The following MYOCD variants were observed in gnomAD, a reference collection of about 807,000 sequenced individuals.
MYOCD encodes the protein myocardin.
Under a neutral mutation model 96.1 loss-of-function variants are expected in MYOCD, and 32 were observed. That is an observed-to-expected ratio of 0.33 (90% CI 0.25 to 0.45). The LOEUF (loss-of-function observed/expected upper bound fraction) is 0.45, where lower values mean the gene tolerates loss of function less well. Among genes scored for constraint, MYOCD ranks in the 20% least tolerant of loss-of-function variants. The pLI, the probability that MYOCD is intolerant of heterozygous loss-of-function variation, is 1.00. For synonymous variants in MYOCD, 469 were observed against 469.0 expected (o/e 1.00, Z 0.00); for missense variants, 1,133 against 1,200.6 (o/e 0.94, Z 0.83).
chr17:12,714,323 G>GCGCACACACA (rs5819379), intron 2 of MYOCD, among the ~76,000 whole-genome samples: 2 of 136,052 alleles, frequency 1.5e-5, no homozygotes, highest in Non-Finnish European at 3.1e-5. Flanking sequence ...TGAGGCACGT[G>GCGCACACACA]CACACACACA....
chr17:12,700,167 C>T (rs2030994489), intron 1 of MYOCD, among the ~76,000 whole-genome samples: 3 of 151,830 alleles, frequency 2.0e-5, no homozygotes, highest in Admixed American at 1.3e-4. Flanking sequence ...CCTTGGCCTC[C>T]CAAAATGCTG....
At chr17:12,739,643 G>T (rs1255588734) in intron 7 of MYOCD, among the ~76,000 whole-genome samples, 1 of 152,212 alleles carries the variant, frequency 6.6e-6, no homozygotes, top group East Asian at 1.9e-4. Context: ...CTGATTGTAA[G>T]GCAGGATTTG....
chr17:12,732,459 C>T (rs1009877638), intron 5 of MYOCD, among the ~76,000 whole-genome samples: 6 of 152,206 alleles, frequency 3.9e-5, no homozygotes, highest in Admixed American at 2.0e-4. Context: ...TGGACAACTT[C>T]GCATCGCTGT....
chr17:12,747,839 G>A (rs2032711602), intron 9 of MYOCD, among the ~76,000 whole-genome samples: 1 of 151,172 alleles, frequency 6.6e-6, no homozygotes, highest in Non-Finnish European at 1.5e-5. Context: ...ATATATCACA[G>A]TATGTGGATA....
At chr17:12,708,714 G>A (rs1263626514) in intron 2 of MYOCD, among the ~76,000 whole-genome samples, 3 of 152,148 alleles carry the variant, frequency 2.0e-5, no homozygotes, top group Admixed American at 6.5e-5. Flanking sequence ...TTAACTGGTC[G>A]ACAGAAGCAC....
At chr17:12,690,262 A>G (rs1415743420) in intron 1 of MYOCD, among the ~76,000 whole-genome samples, 5 of 152,126 alleles carry the variant, frequency 3.3e-5, no homozygotes, top group Non-Finnish European at 7.4e-5. Flanking sequence ...ATCTAAGAAA[A>G]CATGTTTGAC....
chr17:12,699,021 C>A (rs9674555), intron 1 of MYOCD, among the ~76,000 whole-genome samples: 45,302 of 151,198 alleles, frequency 0.3, 8,593 homozygotes, highest in African/African-American at 0.54. Context: ...GGATTACAGG[C>A]GTGAGCCACC....
intron 6 of MYOCD, among the ~76,000 whole-genome samples, chr17:12,736,645 A>G (rs2032354410): frequency 6.6e-6 from 1 of 152,206 alleles, no homozygotes; most frequent in Non-Finnish European, 1.5e-5. Flanking sequence ...GCTAAGACTC[A>G]GTGAGATTGG....
intron 13 of MYOCD, chr17:12,762,058 A>G (rs1341935004): frequency 2.0e-5 from 3 of 152,276 alleles, no homozygotes; most frequent in Non-Finnish European, 4.4e-5. Flanking sequence ...CTGGAGAAAC[A>G]CAGCTGGGTT....
In MYOCD at chr17:12,753,127, T is replaced by C. The variant is rs759277038; in HGVS notation, c.1839T>C (p.His613=). 9 of 1,614,076 alleles carry C rather than the reference T, an allele frequency of 5.6e-6. No homozygotes were observed. The highest frequency in any genetic ancestry group is 7.6e-6 in the Non-Finnish European group (9 of 1,180,040). ...AACTCCAGCCTCTTGGAAATGCTCATTGTGTGGAGTCCTCAGATCAAACCA... is the reference window on the plus strand; with the variant it reads ...AACTCCAGCCTCTTGGAAATGCTCACTGTGTGGAGTCCTCAGATCAAACCA... The part of the protein sequence containing the change: ...AAQLQPLGNA[H]CVESSDQTNV... Residue 613 remains histidine, a synonymous_variant, in exon 10 of 14, where the codon CAT becomes CAC. Coordinates refer to ENST00000425538, the MANE Select transcript of MYOCD (RefSeq NM_001146312.3).
At chr17:12,702,131 G>A (rs2031101059) in intron 1 of MYOCD, among the ~76,000 whole-genome samples, 1 of 151,968 alleles carries the variant, frequency 6.6e-6, no homozygotes, top group Non-Finnish European at 1.5e-5. Flanking sequence ...CTGATGTTGA[G>A]AGAGGAGTCT....
intron 2 of MYOCD, among the ~76,000 whole-genome samples, chr17:12,708,560 T>A (rs1018920685): frequency 6.6e-6 from 1 of 151,950 alleles, no homozygotes; most frequent in African/African-American, 2.4e-5. Context: ...GCCTGGCTAA[T>A]TTTTTGTATT....
chr17:12,760,795 C>T (rs1884604227), intron 13 of MYOCD, 88 bp downstream of exon 13: 2 of 1,078,676 alleles, frequency 1.9e-6, no homozygotes, highest in Admixed American at 1.9e-5. Context: ...ATCAGATGCA[C>T]ACTGTGAGTT....
chr17:12,739,183 C>T lies in MYOCD; in HGVS notation c.592-20C>T, dbSNP rs369311746. 9 of 1,595,876 alleles carry T rather than the reference C, an allele frequency of 5.6e-6. No individual in the cohort carries two copies. In the African/African-American group the frequency reaches 6.7e-5, roughly 12 times the overall value. ...ACTTATTCCTGTATCTTCCTAATATCGGTAACATTTGGATTTCAGGATCTT... is the reference window on the plus strand; with the variant it reads ...ACTTATTCCTGTATCTTCCTAATATTGGTAACATTTGGATTTCAGGATCTT... On this transcript the variant is annotated intron_variant, in intron 6 of 13. Coordinates refer to ENST00000425538, the MANE Select transcript of MYOCD (RefSeq NM_001146312.3).
At chr17:12,666,585 G>T (rs1343752320) in intron 1 of MYOCD, among the ~76,000 whole-genome samples, 1 of 152,186 alleles carries the variant, frequency 6.6e-6, no homozygotes, top group Non-Finnish European at 1.5e-5. Context: ...TGGAAGCTGC[G>T]TAGTATCGGT....
intron 5 of MYOCD, among the ~76,000 whole-genome samples, chr17:12,734,527 T>TTTTTTTC (rs1455089840): frequency 6.8e-6 from 1 of 147,380 alleles, no homozygotes; most frequent in Non-Finnish European, 1.5e-5. Flanking sequence ...TTTTTTTTTT[T>TTTTTTTC]TGAGACACAG....
At chr17:12,678,991 T>C (rs1485922671) in intron 1 of MYOCD, among the ~76,000 whole-genome samples, 1 of 152,174 alleles carries the variant, frequency 6.6e-6, no homozygotes, top group Non-Finnish European at 1.5e-5. Context: ...ATGAGGTTAC[T>C]GAGTTTCCAG....
intron 1 of MYOCD, among the ~76,000 whole-genome samples, chr17:12,697,676 A>G (rs1317437050): frequency 1.3e-5 from 2 of 151,924 alleles, no homozygotes; most frequent in African/African-American, 4.8e-5. Context: ...TAAAACTACC[A>G]TTTCTGTTAT....
At chr17:12,738,783 A>G (rs1819531070) in intron 6 of MYOCD, among the ~76,000 whole-genome samples, 1 of 151,608 alleles carries the variant, frequency 6.6e-6, no homozygotes, top group South Asian at 2.1e-4. Flanking sequence ...TTTCAATTGC[A>G]TTATCAAGAC....
Sources: allele counts gnomAD v4.1 joint callset (sites outside exome capture counted in the v4.1 genomes callset), GRCh38; gene constraint gnomAD v4.1.1; transcripts MANE v1.5; gene names NCBI Gene and HGNC (gene_info 2026-07-23, HGNC 2026-07-21).